The following GPC3 variants were observed in gnomAD, a reference collection of about 807,000 sequenced individuals.
The protein encoded by GPC3 is glypican 3.
In GPC3, 3 loss-of-function variants were observed where a neutral mutation model predicts 34.4. The observed-to-expected ratio is 0.09, with a 90% CI of 0.04 to 0.23. The LOEUF (loss-of-function observed/expected upper bound fraction) is 0.23. Among genes scored for constraint, GPC3 ranks in the 10% least tolerant of loss-of-function variants. The pLI is 1.00. For missense variants in GPC3, 351 were observed against 445.6 expected (o/e 0.79, Z 1.91); for synonymous variants, 177 against 174.0 (o/e 1.02, Z -0.13).
chrX:133,675,048 T>C (rs1050499850), intron 5 of GPC3, among the ~76,000 whole-genome samples: 1 of 111,926 alleles, frequency 8.9e-6, no homozygotes, highest in African/African-American at 3.3e-5. Context: ...GTGTGGCATC[T>C]CTAGAATATG....
chrX:133,605,760 A>G (rs755007449), intron 6 of GPC3, among the ~76,000 whole-genome samples: 7 of 111,520 alleles, frequency 6.3e-5, no homozygotes, highest in Non-Finnish European at 9.4e-5. Context: ...TAAGGCAAAA[A>G]AAAGTAATAC....
intron 3 of GPC3, among the ~76,000 whole-genome samples, chrX:133,752,641 C>T (rs1412922134): frequency 1.8e-5 from 2 of 111,706 alleles, no homozygotes; most frequent in Non-Finnish European, 3.8e-5. Context: ...CCCGAGATTC[C>T]GTTACTAACA....
At chrX:133,575,086 T>C in intron 7 of GPC3, among the ~76,000 whole-genome samples, 1 of 112,136 alleles carries the variant, frequency 8.9e-6, no homozygotes, top group Non-Finnish European at 1.9e-5. Context: ...GGTTTGAATT[T>C]TGGCTGGACC....
chrX:133,564,585 C>T (rs1225762895), intron 7 of GPC3, among the ~76,000 whole-genome samples: 1 of 111,704 alleles, frequency 9.0e-6, no homozygotes, highest in Non-Finnish European at 1.9e-5. Flanking sequence ...CCAGTAAACA[C>T]AGCCATCAAC....
intron 5 of GPC3, among the ~76,000 whole-genome samples, chrX:133,683,636 A>G (rs924628531): frequency 1.8e-5 from 2 of 112,096 alleles, no homozygotes; most frequent in African/African-American, 3.2e-5. Context: ...AGACATATCA[A>G]TGTTGAGCCA....
chrX:133,798,839 C>G (rs1209121778), intron 2 of GPC3, among the ~76,000 whole-genome samples: 2 of 111,423 alleles, frequency 1.8e-5, no homozygotes, highest in African/African-American at 3.3e-5. Context: ...CACTGGGACA[C>G]AGCTGGGGTG....
intron 2 of GPC3, among the ~76,000 whole-genome samples, chrX:133,897,206 T>G (rs1326105772): frequency 1.4e-5 from 1 of 69,068 alleles, no homozygotes; most frequent in Non-Finnish European, 2.4e-5. Flanking sequence ...GTGCCCGGCC[T>G]TTTTTTTTTT....
In GPC3 at chrX:133,591,068, A is replaced by G. The variant is rs1404955107; in HGVS notation, c.1573+5372T>C. The stretch of plus-strand genomic sequence containing the variant: ...CCTGCACTTCATTCAGTGCCTCAAA[A>G]GAAGGGAAGAAGTAAGCCAGGGAAG... On this transcript the variant is annotated intron_variant, in intron 7 of 7. Transcript: ENST00000370818. Among the ~76,000 whole-genome samples, 4 of 112,106 alleles carry G rather than the reference A, an allele frequency of 3.6e-5. No individual in the cohort carries two copies. The East Asian group carries it at 1.1e-3, about 32-fold the overall frequency.
intron 1 of GPC3, among the ~76,000 whole-genome samples, chrX:133,984,820 C>T (rs1323271794): frequency 1.2e-5 from 1 of 84,953 alleles, no homozygotes; most frequent in African/African-American, 4.6e-5. Context: ...TGGGTAAAGG[C>T]GGCGGGGGGT....
chrX:133,751,360 G>A (rs998080257), intron 3 of GPC3, among the ~76,000 whole-genome samples: 3 of 111,685 alleles, frequency 2.7e-5, no homozygotes, highest in Admixed American at 1.9e-4. Flanking sequence ...TTCTAGTTTT[G>A]TAAAATTTAC....
chrX:133,718,132 T>A (rs2071332169), intron 3 of GPC3, among the ~76,000 whole-genome samples: 1 of 112,144 alleles, frequency 8.9e-6, no homozygotes, highest in Non-Finnish European at 1.9e-5. Flanking sequence ...AAGTTTACTA[T>A]ATAGGTTAAT....
chrX:133,720,046 T>TA (rs756924067), intron 3 of GPC3, among the ~76,000 whole-genome samples: 1 of 111,196 alleles, frequency 9.0e-6, no homozygotes, highest in African/African-American at 3.3e-5. Flanking sequence ...AATTTAAAAA[T>TA]AAAAAAATAA....
intron 2 of GPC3, among the ~76,000 whole-genome samples, chrX:133,927,204 T>C (rs2076278896): frequency 1.8e-5 from 2 of 111,389 alleles, no homozygotes; most frequent in South Asian, 7.5e-4. Context: ...GGTGGGAATA[T>C]TATGCAGCTG....
At chrX:133,663,414 C>T (rs1374148680) in intron 5 of GPC3, among the ~76,000 whole-genome samples, 1 of 111,398 alleles carries the variant, frequency 9.0e-6, no homozygotes, top group Non-Finnish European at 1.9e-5. Context: ...TGTGAGCCAC[C>T]GAGCCTGGCC....
intron 7 of GPC3, among the ~76,000 whole-genome samples, chrX:133,549,979 CCT>C (rs1218773009): frequency 1.9e-5 from 2 of 106,373 alleles, no homozygotes; most frequent in African/African-American, 6.9e-5. Flanking sequence ...TCCCACCTAC[CCT>C]CTCTTTTCTA....
chrX:133,672,485 G>C lies in GPC3; in HGVS notation c.1293-10635C>G, dbSNP rs1426331794. Among the ~76,000 whole-genome samples the C allele has an allele frequency of 6.3e-5, 7 of 111,665 alleles. No homozygotes were observed. The South Asian group carries it at 2.7e-3, about 42-fold the overall frequency. Reference sequence around the variant, plus strand: ...AGAAAAAGGTGTAATTCAAAGCTCAGTAATCGGGGGTGGGGAATAACAGAA... The same window carrying C: ...AGAAAAAGGTGTAATTCAAAGCTCACTAATCGGGGGTGGGGAATAACAGAA... On this transcript the variant is annotated intron_variant, in intron 5 of 7. Transcript: ENST00000370818.
intron 2 of GPC3, among the ~76,000 whole-genome samples, chrX:133,934,322 A>C (rs776093948): frequency 1.8e-5 from 2 of 108,841 alleles, no homozygotes; most frequent in East Asian, 5.8e-4. Flanking sequence ...CAGCCTCCCA[A>C]GTAGCTGGGA....
At chrX:133,981,903 T>C (rs1364625624) in intron 1 of GPC3, among the ~76,000 whole-genome samples, 2 of 112,224 alleles carry the variant, frequency 1.8e-5, no homozygotes, top group East Asian at 2.8e-4. Flanking sequence ...TCTCGCACTT[T>C]CCAAGGCCTT....
intron 2 of GPC3, among the ~76,000 whole-genome samples, chrX:133,782,652 T>C (rs1260985924): frequency 8.9e-6 from 1 of 112,014 alleles, no homozygotes; most frequent in Non-Finnish European, 1.9e-5. Flanking sequence ...GAGCAGTCTC[T>C]TTATATATGG....
Sources: allele counts gnomAD v4.1 joint callset (sites outside exome capture counted in the v4.1 genomes callset), GRCh38; gene constraint gnomAD v4.1.1; transcripts MANE v1.5; gene names NCBI Gene and HGNC (gene_info 2026-07-23, HGNC 2026-07-21).